KCNMA1: variants seen among roughly 807,000 people sequenced by gnomAD.
The protein encoded by KCNMA1 is potassium calcium-activated channel subfamily M alpha 1.
In KCNMA1, 29 loss-of-function variants were observed where a neutral mutation model predicts 140.0. The observed-to-expected ratio is 0.21, with a 90% CI of 0.15 to 0.28. The LOEUF (loss-of-function observed/expected upper bound fraction) is 0.28, where lower values mean the gene tolerates loss of function less well. KCNMA1 is among the 10% of genes least tolerant of loss of function. KCNMA1 has a pLI of 1.00. For missense variants in KCNMA1, 880 were observed against 1,602.2 expected (o/e 0.55, Z 7.70); for synonymous variants, 612 against 611.9 (o/e 1.00, Z 0.00).
chr10:77,205,689 G>A (rs1320519316), intron 3 of KCNMA1, among the ~76,000 whole-genome samples: 2 of 152,152 alleles, frequency 1.3e-5, no homozygotes, highest in Admixed American at 6.6e-5. Flanking sequence ...TCTGAACCAA[G>A]TATTTAAATC....
At chr10:77,003,485 G>A (rs1445062581) in intron 18 of KCNMA1, among the ~76,000 whole-genome samples, 1 of 152,050 alleles carries the variant, frequency 6.6e-6, no homozygotes, top group Non-Finnish European at 1.5e-5. Flanking sequence ...ATCCGGATCT[G>A]GCATACAATC....
chr10:77,528,670 A>G (rs2056679046), intron 1 of KCNMA1, among the ~76,000 whole-genome samples: 1 of 151,866 alleles, frequency 6.6e-6, no homozygotes, highest in South Asian at 2.1e-4. Flanking sequence ...TGTTCATAGC[A>G]GCACTATTCA....
At chr10:77,442,096 G>A (rs999843168) in intron 1 of KCNMA1, among the ~76,000 whole-genome samples, 2 of 152,126 alleles carry the variant, frequency 1.3e-5, no homozygotes, top group Admixed American at 6.5e-5. Flanking sequence ...CAGGAGACTC[G>A]AAAGGTCCGT....
chr10:77,398,884 A>AT (rs2096163879), intron 2 of KCNMA1, among the ~76,000 whole-genome samples: 2 of 152,226 alleles, frequency 1.3e-5, no homozygotes, highest in Non-Finnish European at 2.9e-5. Context: ...TGCCCTCTTT[A>AT]TTTAGAAACC....
At chr10:77,604,408 T>C (rs1051465488) in intron 1 of KCNMA1, among the ~76,000 whole-genome samples, 1 of 152,134 alleles carries the variant, frequency 6.6e-6, no homozygotes, top group Admixed American at 6.5e-5. Flanking sequence ...TTTATTTTAG[T>C]TTTTAAAAGT....
intron 2 of KCNMA1, among the ~76,000 whole-genome samples, chr10:77,291,119 C>T (rs1331067636): frequency 1.3e-5 from 2 of 152,182 alleles, no homozygotes; most frequent in African/African-American, 4.8e-5. Flanking sequence ...GCCTCTCTTC[C>T]CCATGAATTT....
Position 77,421,012 on chromosome 10 carries a change from G to A in KCNMA1, c.379-16989C>T, listed in dbSNP as rs143414181. ...AAACTCTTCTCAGGGACTCCCCCTT[G>A]CTCTTAGGCAAAAGTTAAGGCCCTC... On this transcript the variant is annotated intron_variant, in intron 1 of 27. Coordinates refer to ENST00000286628, the MANE Select transcript of KCNMA1 (RefSeq NM_001161352.2). Among the ~76,000 whole-genome samples the A allele has an allele frequency of 5.9e-5, 9 of 152,334 alleles. No homozygotes were observed. In the East Asian group the frequency reaches 1.7e-3, roughly 29 times the overall value.
chr10:77,369,888 A>G (rs1202926531), intron 2 of KCNMA1, among the ~76,000 whole-genome samples: 2 of 152,184 alleles, frequency 1.3e-5, no homozygotes, highest in Non-Finnish European at 2.9e-5. Flanking sequence ...TTTCATATCC[A>G]TCTCACATAC....
chr10:77,411,391 T>C (rs1483592048), intron 1 of KCNMA1, among the ~76,000 whole-genome samples: 1 of 152,166 alleles, frequency 6.6e-6, no homozygotes, highest in African/African-American at 2.4e-5. Flanking sequence ...TACTAGTAAA[T>C]AGTACTACTA....
At chr10:77,106,808 C>T (rs1285975996) in intron 9 of KCNMA1, among the ~76,000 whole-genome samples, 2 of 152,124 alleles carry the variant, frequency 1.3e-5, no homozygotes, top group African/African-American at 4.8e-5. Flanking sequence ...ACTTACTTGG[C>T]CTTTTGGATC....
chr10:77,155,242 T>C (rs1248738113), intron 5 of KCNMA1, among the ~76,000 whole-genome samples: 1 of 152,230 alleles, frequency 6.6e-6, no homozygotes, highest in African/African-American at 2.4e-5. Flanking sequence ...AGGAGATGAC[T>C]GTGAGATTCT....
In KCNMA1 at chr10:77,082,007, C is replaced by CTTTTTTTTTTTTTT. The variant is rs201288668; in HGVS notation, c.1524-2471_1524-2458dup. ...GACCAGTAATTTCTTTTTTTCTTTT[C>CTTTTTTTTTTTTTT]TTTTTTTTTTTTTTTTTTTTTTTTT... On this transcript the variant is annotated intron_variant, in intron 12 of 27. Transcript: ENST00000286628. Among the ~76,000 whole-genome samples, 49 of 32,498 alleles carry CTTTTTTTTTTTTTT rather than the reference C, an allele frequency of 1.5e-3. 3 individuals carry two copies. Among genetic ancestry groups the CTTTTTTTTTTTTTT allele is most frequent in the East Asian group, 7.3e-3 (15 of 2,048 alleles). The allele number at this position is 32,498 out of a possible 152,430, so 21.3% of individuals were successfully genotyped here. A position where few individuals can be genotyped will look rare whatever the true frequency, so the allele number is the denominator to read the frequency against.
At chr10:76,927,487 T>C (rs2058058529) in intron 23 of KCNMA1, among the ~76,000 whole-genome samples, 1 of 152,220 alleles carries the variant, frequency 6.6e-6, no homozygotes, top group Non-Finnish European at 1.5e-5. Flanking sequence ...TCTCGGGCAT[T>C]GTGGGCTTTA....
At chr10:77,042,663 G>C (rs560845556) in intron 14 of KCNMA1, among the ~76,000 whole-genome samples, 1 of 152,162 alleles carries the variant, frequency 6.6e-6, no homozygotes, top group South Asian at 2.1e-4. Context: ...AATTAATATG[G>C]TTTTAACAAG....
rs141117391 is a variant in KCNMA1, at chr10:77,120,684, T to G, written c.884+289A>C. Among the ~76,000 whole-genome samples the G allele has an allele frequency of 4.3e-3, 648 of 152,242 alleles. 3 individuals are homozygous for G. Among genetic ancestry groups the G allele is most frequent in the Non-Finnish European group, 6.0e-3 (407 of 68,004 alleles). On this transcript the variant is annotated intron_variant, in intron 6 of 27. Coordinates refer to ENST00000286628, the MANE Select transcript of KCNMA1 (RefSeq NM_001161352.2). ...TTTCCCCTTGACACCGTGGCTCTTA[T>G]CTGGGCAACCCCACTGGGCACACAG...
chr10:77,274,665 G>A (rs1004964489), intron 2 of KCNMA1, among the ~76,000 whole-genome samples: 3 of 152,136 alleles, frequency 2.0e-5, no homozygotes, highest in African/African-American at 7.2e-5. Context: ...CAAACACATT[G>A]GATGCCACAA....
intron 19 of KCNMA1, chr10:76,975,136 G>GT (rs1259675659): frequency 3.9e-5 from 6 of 152,556 alleles, no homozygotes; most frequent in African/African-American, 1.4e-4. Context: ...AAAAGTGGGT[G>GT]TTTCAAATGT....
intron 1 of KCNMA1, among the ~76,000 whole-genome samples, chr10:77,544,150 CTGTGTGTGTGTG>C (rs35370605): frequency 1.1e-4 from 15 of 142,556 alleles, no homozygotes; most frequent in Middle Eastern, 3.5e-3. Context: ...ATCTTTCCAG[CTGTGTGTGTGTG>C]TGTGTGTGTG....
At chr10:77,445,732 C>T (rs1165285699) in intron 1 of KCNMA1, among the ~76,000 whole-genome samples, 1 of 152,126 alleles carries the variant, frequency 6.6e-6, no homozygotes, top group Non-Finnish European at 1.5e-5. Context: ...GAAACTCAAT[C>T]CCACCAGGGA....
Sources: allele counts gnomAD v4.1 joint callset (sites outside exome capture counted in the v4.1 genomes callset), GRCh38; gene constraint gnomAD v4.1.1; transcripts MANE v1.5; gene names NCBI Gene and HGNC (gene_info 2026-07-23, HGNC 2026-07-21).